Variants in PAWR observed in about 807,000 individuals in gnomAD.
The protein encoded by PAWR is pro-apoptotic WT1 regulator.
In PAWR, 23 loss-of-function variants were observed where a neutral mutation model predicts 32.0. The observed-to-expected ratio is 0.72, with a 90% CI of 0.52 to 1.02. The LOEUF (loss-of-function observed/expected upper bound fraction) is 1.02, where lower values mean the gene tolerates loss of function less well. Among genes scored for constraint, PAWR ranks in the 50% least tolerant of loss-of-function variants. The probability of loss-of-function intolerance (pLI) is 0.00; values close to 1 mark genes in which losing one functional copy is unlikely to be tolerated. For synonymous variants in PAWR, 226 were observed against 187.1 expected, an observed-to-expected ratio of 1.21 and a Z score of -1.70; for missense variants, 457 against 437.7, an observed-to-expected ratio of 1.04 and a Z score of -0.39.
chr12:79,669,303 T>G (rs999248803), intron 2 of PAWR, among the ~76,000 whole-genome samples: 3 of 152,200 alleles, frequency 2.0e-5, no homozygotes, highest in African/African-American at 7.2e-5. Context: ...TAGAGAGGCC[T>G]CAGAACTTTC....
intron 2 of PAWR, among the ~76,000 whole-genome samples, chr12:79,685,105 A>G (rs1027949897): frequency 6.6e-6 from 1 of 152,220 alleles, no homozygotes; most frequent in Non-Finnish European, 1.5e-5. Context: ...TATTATTTTT[A>G]TGAGAAATGA....
Position 79,592,167 on chromosome 12 carries a change from ATGAG to A in PAWR, c.*436_*439del, listed in dbSNP as rs1873578806. The A allele has an allele frequency of 1.3e-5, 2 of 153,696 alleles. No individual in the cohort carries two copies. Among genetic ancestry groups the A allele is most frequent in the Admixed American group, 1.3e-4 (2 of 15,298 alleles). 9.5% of individuals were successfully genotyped at this position (153,696 alleles called of 1,614,324 possible). A position where few individuals can be genotyped will look rare whatever the true frequency, so the allele number is the denominator to read the frequency against. On this transcript the variant is annotated 3_prime_UTR_variant, in exon 7 of 7. Coordinates refer to ENST00000328827, the MANE Select transcript of PAWR (RefSeq NM_002583.4). ...CAAATGACAGTAGACAAAAACCTTT[ATGAG>A]TGAGTCATCAACACATAAAAGGTTG...
At chr12:79,684,940 C>T (rs1592559796) in intron 2 of PAWR, among the ~76,000 whole-genome samples, 1 of 152,216 alleles carries the variant, frequency 6.6e-6, no homozygotes, top group Admixed American at 6.5e-5. Context: ...CTTCTCACTA[C>T]ATGTATGACC....
chr12:79,613,411 C>G (rs8176882), intron 4 of PAWR, among the ~76,000 whole-genome samples, 164 bp downstream of exon 4: 1,683 of 152,266 alleles, frequency 0.011, 40 homozygotes, highest in African/African-American at 0.038. Context: ...AAGCCATGGT[C>G]AGGCAGACAT....
At chr12:79,655,290 A>G (rs566719451) in intron 2 of PAWR, among the ~76,000 whole-genome samples, 4 of 152,342 alleles carry the variant, frequency 2.6e-5, no homozygotes, top group South Asian at 2.1e-4. Flanking sequence ...GACAGCCCCA[A>G]TTAGCTCCAG....
intron 2 of PAWR, among the ~76,000 whole-genome samples, chr12:79,653,143 C>T (rs908530464): frequency 1.3e-5 from 2 of 149,724 alleles, no homozygotes; most frequent in African/African-American, 4.9e-5. Context: ...TCCCACGTTC[C>T]AGCAATTCTC....
intron 2 of PAWR, among the ~76,000 whole-genome samples, chr12:79,635,162 G>A (rs1470768884): frequency 2.0e-5 from 3 of 151,996 alleles, no homozygotes; most frequent in Admixed American, 1.3e-4. Context: ...AACCTGGCTG[G>A]CTCCCTGAAA....
At chr12:79,666,457 C>T (rs1877607817) in intron 2 of PAWR, among the ~76,000 whole-genome samples, 1 of 152,136 alleles carries the variant, frequency 6.6e-6, no homozygotes, top group Non-Finnish European at 1.5e-5. Context: ...TCCCCAAGAC[C>T]ATTTCAGAGG....
intron 2 of PAWR, among the ~76,000 whole-genome samples, chr12:79,647,786 C>A (rs1345966640): frequency 6.6e-6 from 1 of 152,072 alleles, no homozygotes; most frequent in African/African-American, 2.4e-5. Context: ...GGCAAAAATC[C>A]CTTTGATAAC....
At chr12:79,643,331 T>TC (rs1876419492) in intron 2 of PAWR, among the ~76,000 whole-genome samples, 1 of 151,926 alleles carries the variant, frequency 6.6e-6, no homozygotes, top group Non-Finnish European at 1.5e-5. Flanking sequence ...TACTTAATAG[T>TC]CAAAGAAGTA....
chr12:79,604,259 T>G, intron 4 of PAWR: 1 of 985,626 alleles, frequency 1.0e-6, no homozygotes, highest in East Asian at 1.1e-4. Context: ...CACTCTTAGC[T>G]ACAAAGACAT....
intron 4 of PAWR, among the ~76,000 whole-genome samples, chr12:79,601,150 G>A (rs1325691262): frequency 6.6e-6 from 1 of 151,348 alleles, no homozygotes; most frequent in Non-Finnish European, 1.5e-5. Flanking sequence ...CTAAAGCATG[G>A]AGTGTAAACA....
chr12:79,601,207 ATTTTTTT>A (rs534042888), intron 4 of PAWR, among the ~76,000 whole-genome samples: 23 of 118,500 alleles, frequency 1.9e-4, no homozygotes, highest in Non-Finnish European at 3.4e-4. Context: ...GGAAACCTGA[ATTTTTTT>A]TTTTTTTTTT....
At chr12:79,602,080 G>A (rs561447225) in intron 4 of PAWR, among the ~76,000 whole-genome samples, 208 of 152,260 alleles carry the variant, frequency 1.4e-3, no homozygotes, top group Non-Finnish European at 1.8e-3. Flanking sequence ...CGCATAGATG[G>A]ACATTCAAAT....
intron 2 of PAWR, among the ~76,000 whole-genome samples, chr12:79,634,121 AATAACT>A (rs1875846876): frequency 6.6e-6 from 1 of 152,162 alleles, no homozygotes; most frequent in Non-Finnish European, 1.5e-5. Context: ...GTTTTGACTA[AATAACT>A]ATAAGTAAAT....
At chr12:79,597,712 C>T (rs1384328782) in intron 4 of PAWR, 2 of 152,146 alleles carry the variant, frequency 1.3e-5, no homozygotes, top group African/African-American at 4.8e-5. Context: ...CCAGTTCATA[C>T]CCTCTGAACA....
chr12:79,673,954 G>C (rs1380687624), intron 2 of PAWR, among the ~76,000 whole-genome samples: 5 of 151,996 alleles, frequency 3.3e-5, no homozygotes, highest in Admixed American at 3.3e-4. Context: ...GGAAGAATCA[G>C]TATTGTTAAG....
At chr12:79,611,245 A>T (rs1480688970) in intron 4 of PAWR, among the ~76,000 whole-genome samples, 1 of 146,490 alleles carries the variant, frequency 6.8e-6, no homozygotes, top group Non-Finnish European at 1.5e-5. Context: ...CTTATACAGT[A>T]TATATTATAT....
intron 4 of PAWR, chr12:79,603,904 A>C (rs989194288): frequency 2.0e-5 from 3 of 151,634 alleles, no homozygotes; most frequent in African/African-American, 7.3e-5. Flanking sequence ...CAAACTCCTG[A>C]CCTCAGGTGA....
Sources: allele counts gnomAD v4.1 joint callset (sites outside exome capture counted in the v4.1 genomes callset), GRCh38; gene constraint gnomAD v4.1.1; transcripts MANE v1.5; gene names NCBI Gene and HGNC (gene_info 2026-07-23, HGNC 2026-07-21).